Variants in SMG5 observed in about 807,000 individuals in gnomAD.
SMG5 encodes the protein nonsense-mediated mRNA decay factor SMG5.
SMG5 carries 53 observed loss-of-function variants against 122.9 expected under a neutral mutation model. That is an observed-to-expected ratio of 0.43 (90% CI 0.35 to 0.54). The LOEUF is 0.54. SMG5 is among the 20% of genes least tolerant of loss of function. SMG5 has a pLI of 0.01. For synonymous variants in SMG5, 477 were observed against 490.2 expected (o/e 0.97, Z 0.35); for missense variants, 1,153 against 1,285.6 (o/e 0.90, Z 1.58).
chr1:156,269,657 C>T (rs546892086), intron 7 of SMG5, among the ~76,000 whole-genome samples: 42 of 152,076 alleles, frequency 2.8e-4, no homozygotes, highest in Middle Eastern at 3.4e-3. Context: ...AGGTGGATCA[C>T]GAGGTCAGGA....
chr1:156,253,346 C>A, intron 17 of SMG5, 103 bp downstream of exon 17: 1 of 1,230,026 alleles, frequency 8.1e-7, no homozygotes. Flanking sequence ...GACACAGAGG[C>A]AACAGAGCAG....
rs372687464 is a variant in SMG5 at position 156,273,342 on chromosome 1, C to A, written c.634+19G>T. 3 of 1,607,860 alleles carry A rather than the reference C, an allele frequency of 1.9e-6. No individual in the cohort carries two copies. The highest frequency in any genetic ancestry group is 3.3e-5 in the Admixed American group (2 of 59,984). On this transcript the variant is annotated intron_variant, in intron 6 of 21. Transcript: ENST00000361813. ...GAAAACCCTACTGGATTCAGAGGCC[C>A]AAGTTGGGGACAACTTACCAATCTG... is the stretch of plus-strand genomic sequence containing the variant.
At position 156,265,852 on chromosome 1, in the gene SMG5, G is replaced by A. The variant is rs1460261250; in HGVS notation, c.1784C>T (p.Thr595Ile). Reference protein sequence around the residue: ...PTFSNLLLQPTTNPHTSASHR... With the variant: ...PTFSNLLLQPITNPHTSASHR... ...GCTGGCCGAGGTATGAGGGTTGGTG[G>A]TGGGCTGGAGGAGCAGGTTGCTAAA... Residue 595 changes from threonine to isoleucine, a missense_variant, in exon 12 of 22, where the codon ACC becomes ATC. This residue lies in a region of SMG5 where 631 missense variants were observed against 650.6 expected (regional missense o/e 0.97). Transcript: ENST00000361813. 6.2e-7 allele frequency: 1 copy of A among 1,614,218 alleles called. No individual in the cohort carries two copies. Among genetic ancestry groups the A allele is most frequent in the East Asian group, 2.2e-5 (1 of 44,874 alleles).
chr1:156,290,853 T>TA, the SMG5 span: 1 of 86,562 alleles, frequency 1.2e-5, no homozygotes, highest in African/African-American at 4.7e-5. Flanking sequence ...AATAATAATT[T>TA]AAAAAATCAC....
chr1:156,250,493 C>A lies in SMG5; in HGVS notation c.*94G>T, dbSNP rs537671103. 3 of 1,085,588 alleles carry A rather than the reference C, an allele frequency of 2.8e-6. No homozygotes were observed. The highest frequency in any genetic ancestry group is 1.7e-5 in the Admixed American group (1 of 57,744). 67.2% of individuals were successfully genotyped at this position (1,085,588 alleles called of 1,614,324 possible). A position where few individuals can be genotyped will look rare whatever the true frequency, so the allele number is the denominator to read the frequency against. Reference sequence around the variant, plus strand: ...CCTCCTGTGTGCGTGCATGAGTCTGCGTGTGGTGGGGTGACTACAGGTGCT... The same window carrying A: ...CCTCCTGTGTGCGTGCATGAGTCTGAGTGTGGTGGGGTGACTACAGGTGCT... On this transcript the variant is annotated 3_prime_UTR_variant, in exon 22 of 22. Transcript: ENST00000361813.
chr1:156,256,310 C>CTTTT (rs533116327), intron 16 of SMG5, among the ~76,000 whole-genome samples: 1 of 86,966 alleles, frequency 1.1e-5, no homozygotes, highest in Non-Finnish European at 2.6e-5. Flanking sequence ...CATCTTCTCT[C>CTTTT]TTTTTTTTTT....
At chr1:156,277,287 A>G (rs1333639278) in intron 3 of SMG5, 46 bp from the exon 4 acceptor site, 4 of 1,584,872 alleles carry the variant, frequency 2.5e-6, no homozygotes, top group Non-Finnish European at 3.4e-6. Flanking sequence ...ATAAACTCAG[A>G]GTCGCACTCA....
At chr1:156,288,524 G>A in the SMG5 span, among the ~76,000 whole-genome samples, 2 of 151,792 alleles carry the variant, frequency 1.3e-5, no homozygotes, top group Non-Finnish European at 2.9e-5. Context: ...TTTTAGTAGA[G>A]ACAGGGTTTC....
chr1:156,265,857 C>G lies in SMG5; in HGVS notation c.1779G>C (p.Gln593His), dbSNP rs1183744779. 1.2e-6 allele frequency: 2 copies of G among 1,614,046 alleles called. No individual in the cohort carries two copies. The highest frequency in any genetic ancestry group is 2.2e-5 in the East Asian group (1 of 44,888). The part of the protein sequence containing the change: ...LAPTFSNLLL[Q>H]PTTNPHTSAS... ...CCGAGGTATGAGGGTTGGTGGTGGGCTGGAGGAGCAGGTTGCTAAAGGTGG... is the reference window on the plus strand; with the variant it reads ...CCGAGGTATGAGGGTTGGTGGTGGGGTGGAGGAGCAGGTTGCTAAAGGTGG... Residue 593 changes from glutamine to histidine, a missense_variant, in exon 12 of 22, where the codon CAG (glutamine) becomes CAC (histidine). Transcript: ENST00000361813.
intron 10 of SMG5, 114 bp downstream of exon 10, chr1:156,267,356 C>G (rs1438272702): frequency 9.5e-7 from 1 of 1,056,682 alleles, no homozygotes; most frequent in Non-Finnish European, 1.4e-6. Flanking sequence ...AGCAGTGACA[C>G]AGGAGTGAAG....
At position 156,267,570 on chromosome 1, in the gene SMG5, A is replaced by T; in HGVS notation, c.1017T>A (p.Asp339Glu). The change falls in exon 10 of 22, where the codon GAT becomes GAA. Residue 339 changes from aspartate to glutamate, a missense_variant. Transcript: ENST00000361813. The stretch of plus-strand genomic sequence containing the variant: ...CATATCCACTCTCATACTCCTCCTC[A>T]TCCTCACTGGCCAGGCTGAGGTTGG... The part of the protein sequence containing the change: ...SSPNLSLASE[D>E]EEEYESGYAF... 1 of 1,614,056 alleles carries T rather than the reference A, an allele frequency of 6.2e-7. No homozygotes were observed. The highest frequency in any genetic ancestry group is 8.5e-7 in the Non-Finnish European group (1 of 1,179,990).
intron 16 of SMG5, among the ~76,000 whole-genome samples, chr1:156,254,248 C>T (rs1449625442): frequency 6.6e-6 from 1 of 152,218 alleles, no homozygotes; most frequent in Non-Finnish European, 1.5e-5. Context: ...AATTCAATCC[C>T]TCTTCTCCAC....
chr1:156,250,505 T>G lies in SMG5; in HGVS notation c.*82A>C. The G allele has an allele frequency of 1.7e-6, 2 of 1,200,022 alleles. No individual in the cohort carries two copies. The highest frequency in any genetic ancestry group is 2.5e-6 in the Non-Finnish European group (2 of 806,646). 74.3% of individuals were successfully genotyped at this position (1,200,022 alleles called of 1,614,324 possible). A position where few individuals can be genotyped will look rare whatever the true frequency, so the allele number is the denominator to read the frequency against. On this transcript the variant is annotated 3_prime_UTR_variant, in exon 22 of 22. Coordinates refer to ENST00000361813, the MANE Select transcript of SMG5 (RefSeq NM_015327.3). ...GTGCATGAGTCTGCGTGTGGTGGGG[T>G]GACTACAGGTGCTGGTCCTGGCTGC... is the stretch of plus-strand genomic sequence containing the variant.
intron 4 of SMG5, among the ~76,000 whole-genome samples, chr1:156,275,644 A>G (rs542235889): frequency 6.6e-6 from 1 of 152,270 alleles, no homozygotes; most frequent in East Asian, 1.9e-4. Flanking sequence ...TGTTTTATAG[A>G]CACTTCTCAG....
rs184921162 is a variant in SMG5, at chr1:156,269,128, G to A, written c.714-713C>T. ...TGGGATTACAGGTGCCTGCCACCAC[G>A]CCAGCTCATTTTTGTATTTTTAGTA... On this transcript the variant is annotated intron_variant, in intron 7 of 21. Transcript: ENST00000361813. Among the ~76,000 whole-genome samples, 1,362 of 152,106 alleles carry A rather than the reference G, an allele frequency of 9.0e-3. 26 individuals are homozygous for A. Among genetic ancestry groups the A allele is most frequent in the African/African-American group, 0.03 (1,260 of 41,504 alleles).
Position 156,250,573 on chromosome 1 carries a change from C to A in SMG5, c.*14G>T, listed in dbSNP as rs1661302704. The A allele has an allele frequency of 6.2e-7, 1 of 1,610,446 alleles. No individual in the cohort carries two copies. Among genetic ancestry groups the A allele is most frequent in the African/African-American group, 1.3e-5 (1 of 74,826 alleles). On this transcript the variant is annotated 3_prime_UTR_variant, in exon 22 of 22. Transcript: ENST00000361813. ...ATCTGGAGTCAGCCCCACTGCAGGG[C>A]CTGGGGGTCAGTATCAACCAATTTC... is the stretch of plus-strand genomic sequence containing the variant.
chr1:156,282,099 T>C (rs1381270503), intron 1 of SMG5, among the ~76,000 whole-genome samples: 2 of 152,162 alleles, frequency 1.3e-5, no homozygotes, highest in Admixed American at 1.3e-4. Context: ...TATGGGACTT[T>C]AGAGCACATC....
chr1:156,275,936 T>C (rs1374513506), intron 4 of SMG5, among the ~76,000 whole-genome samples: 1 of 151,612 alleles, frequency 6.6e-6, no homozygotes, highest in Non-Finnish European at 1.5e-5. Flanking sequence ...TGCCTCAGCC[T>C]TCCATGTAGC....
intron 4 of SMG5, among the ~76,000 whole-genome samples, chr1:156,276,268 A>G (rs1662683360): frequency 1.3e-5 from 2 of 151,888 alleles, no homozygotes; most frequent in African/African-American, 4.8e-5. Flanking sequence ...CTGGGATTAT[A>G]GGTGCACGCC....
Sources: gnomAD v4.1 joint callset for allele counts (sites outside exome capture counted in the v4.1 genomes callset) on GRCh38, gnomAD v4.1.1 for gene constraint, gnomAD v4.1.1 regional missense constraint, MANE v1.5 for transcripts, NCBI Gene and HGNC (gene_info 2026-07-23, HGNC 2026-07-21) for gene names.